The following ANKRD6 variants were observed in gnomAD, a reference collection of about 807,000 sequenced individuals.
The protein encoded by ANKRD6 is ankyrin repeat domain 6.
In ANKRD6, 56 loss-of-function variants were observed where a neutral mutation model predicts 82.3. The observed-to-expected ratio is 0.68, with a 90% CI of 0.55 to 0.85. The LOEUF (loss-of-function observed/expected upper bound fraction) is 0.85, where lower values mean the gene tolerates loss of function less well. ANKRD6 is among the 40% of genes least tolerant of loss of function. The pLI is 0.00. For synonymous variants in ANKRD6, 347 were observed against 352.1 expected (o/e 0.99, Z 0.16); for missense variants, 852 against 907.6 (o/e 0.94, Z 0.79).
chr6:89,532,114 G>T (rs1305111607), intron 1 of ANKRD6, among the ~76,000 whole-genome samples: 2 of 152,154 alleles, frequency 1.3e-5, no homozygotes, highest in African/African-American at 4.8e-5. Context: ...TAACTGAATG[G>T]ATGAGGCCCA....
chr6:89,624,187 C>A, intron 12 of ANKRD6, 130 bp downstream of exon 12: 1 of 1,088,440 alleles, frequency 9.2e-7, no homozygotes. Context: ...GAAGGTAAGC[C>A]AGATGGCCTC....
chr6:89,473,257 A>G lies in ANKRD6; in HGVS notation c.-144+39882A>G, dbSNP rs548854052. 5.9e-4 allele frequency among the ~76,000 whole-genome samples: 90 copies of G among 152,070 alleles called. 1 individual carries two copies. The highest frequency in any genetic ancestry group is 1.1e-3 in the Non-Finnish European group (77 of 68,008). On this transcript the variant is annotated intron_variant, in intron 1 of 15. Coordinates refer to ENST00000339746, the MANE Select transcript of ANKRD6 (RefSeq NM_001242809.2). ...GAGACCCTGTCTCTACTAAAAATAC[A>G]AAAATTAGCCAGGCATGGCGGCGTA...
Position 89,624,820 on chromosome 6 carries a change from C to T in ANKRD6, c.1371+129C>T, listed in dbSNP as rs1290576686. ...AGTGGGCTGTCAGGGAAGAGGCCTG[C>T]TTCTGCTTATGTGATTTTGTTAAAG... On this transcript the variant is annotated intron_variant, in intron 13 of 15. Coordinates refer to ENST00000339746, the MANE Select transcript of ANKRD6 (RefSeq NM_001242809.2). 11 of 970,004 alleles carry T rather than the reference C, an allele frequency of 1.1e-5. No homozygotes were observed. The East Asian group carries it at 2.9e-4, about 26-fold the overall frequency. The allele number at this position is 970,004 out of a possible 1,614,324, so 60.1% of individuals were successfully genotyped here. A position where few individuals can be genotyped will look rare whatever the true frequency, so the allele number is the denominator to read the frequency against.
At position 89,560,016 on chromosome 6, in the gene ANKRD6, C is replaced by T. The variant is rs144443965; in HGVS notation, c.-143-6818C>T. Among the ~76,000 whole-genome samples the T allele has an allele frequency of 4.1e-3, 629 of 152,202 alleles. 4 individuals carry two copies. Among genetic ancestry groups the T allele is most frequent in the African/African-American group, 0.013 (558 of 41,524 alleles). ...TCATTCATTAAATGGACATTAAAGG[C>T]CATCTGTGTTCCCGGCACCATGATA... On this transcript the variant is annotated intron_variant, in intron 1 of 15. Coordinates refer to ENST00000339746, the MANE Select transcript of ANKRD6 (RefSeq NM_001242809.2).
chr6:89,551,113 T>C (rs1214415638), intron 1 of ANKRD6, among the ~76,000 whole-genome samples: 2 of 152,186 alleles, frequency 1.3e-5, no homozygotes, highest in Non-Finnish European at 2.9e-5. Context: ...CTTTGTTAAT[T>C]CAGCAAATAT....
intron 2 of ANKRD6, among the ~76,000 whole-genome samples, chr6:89,584,256 C>T (rs1305611672): frequency 6.6e-6 from 1 of 152,200 alleles, no homozygotes; most frequent in Non-Finnish European, 1.5e-5. Context: ...TGATTCTCCA[C>T]ATCCCCACCC....
chr6:89,489,129 C>T (rs968613251), intron 1 of ANKRD6, among the ~76,000 whole-genome samples: 1 of 152,098 alleles, frequency 6.6e-6, no homozygotes, highest in African/African-American at 2.4e-5. Flanking sequence ...GGCATTGCTC[C>T]TGAAGGGGTC....
intron 2 of ANKRD6, among the ~76,000 whole-genome samples, chr6:89,577,139 C>G (rs1164682192): frequency 1.3e-5 from 2 of 151,810 alleles, no homozygotes; most frequent in Admixed American, 6.6e-5. Flanking sequence ...GAGGCCTGGT[C>G]CTCTTCCCAA....
At chr6:89,549,385 T>A (rs9451242) in intron 1 of ANKRD6, among the ~76,000 whole-genome samples, 35,164 of 110,682 alleles carry the variant, frequency 0.32, 4,562 homozygotes, top group South Asian at 0.52. Context: ...CCACCCCCAA[T>A]CCCCCACCAC....
At chr6:89,546,625 GGTTAA>G (rs1168255382) in intron 1 of ANKRD6, among the ~76,000 whole-genome samples, 8 of 151,666 alleles carry the variant, frequency 5.3e-5, no homozygotes, top group African/African-American at 2.0e-4. Context: ...CACCATGCCT[GGTTAA>G]TTTTGTATTT....
chr6:89,476,325 A>G (rs559189237), intron 1 of ANKRD6, among the ~76,000 whole-genome samples: 5 of 152,112 alleles, frequency 3.3e-5, no homozygotes, highest in Admixed American at 6.5e-5. Flanking sequence ...AGCTGGGATT[A>G]TAGGCGTGCA....
intron 2 of ANKRD6, among the ~76,000 whole-genome samples, chr6:89,579,552 C>T (rs1263774663): frequency 6.6e-6 from 1 of 152,026 alleles, no homozygotes; most frequent in Non-Finnish European, 1.5e-5. Flanking sequence ...TGGTGGATCT[C>T]TTGAGGCCAG....
At chr6:89,608,299 G>A (rs531319007) in intron 5 of ANKRD6, among the ~76,000 whole-genome samples, 1 of 151,100 alleles carries the variant, frequency 6.6e-6, no homozygotes, top group African/African-American at 2.4e-5. Flanking sequence ...GCTAGAATGG[G>A]GTTCTAGGTG....
chr6:89,622,099 G>T, intron 10 of ANKRD6, 73 bp downstream of exon 10: 1 of 1,432,738 alleles, frequency 7.0e-7, no homozygotes, highest in Non-Finnish European at 9.6e-7. Flanking sequence ...CCCTGCTTCG[G>T]CCAGGTTCAC....
intron 1 of ANKRD6, among the ~76,000 whole-genome samples, chr6:89,436,862 C>T (rs946474990): frequency 5.9e-5 from 9 of 152,200 alleles, no homozygotes; most frequent in Non-Finnish European, 1.3e-4. Flanking sequence ...TTTCCCAGCT[C>T]TTCCTCATCC....
At chr6:89,468,100 A>T (rs1775049733) in intron 1 of ANKRD6, among the ~76,000 whole-genome samples, 1 of 152,164 alleles carries the variant, frequency 6.6e-6, no homozygotes, top group Admixed American at 6.5e-5. Context: ...GACCCACACC[A>T]AGCATGTATG....
intron 1 of ANKRD6, among the ~76,000 whole-genome samples, chr6:89,442,284 C>T (rs1222923991): frequency 6.6e-6 from 1 of 152,140 alleles, no homozygotes; most frequent in African/African-American, 2.4e-5. Context: ...GCCTGAGCCA[C>T]TGCGCCTGGC....
intron 3 of ANKRD6, among the ~76,000 whole-genome samples, chr6:89,599,650 T>C (rs555313777): frequency 1.2e-5 from 1 of 80,666 alleles, no homozygotes; most frequent in African/African-American, 3.0e-5. Context: ...CTCAAGGTAC[T>C]AAATTGTTTG....
chr6:89,481,580 A>C lies in ANKRD6; in HGVS notation c.-144+48205A>C, dbSNP rs116697291. On this transcript the variant is annotated intron_variant, in intron 1 of 15. Transcript: ENST00000339746. ...CAAAATTTTATGTGTAACACATGTC[A>C]TGTGCATTTCCTCTGTTGACTTTAG... Among the ~76,000 whole-genome samples, 764 of 152,350 alleles carry C rather than the reference A, an allele frequency of 5.0e-3. 2 individuals are homozygous for C. The highest frequency in any genetic ancestry group is 0.018 in the African/African-American group (735 of 41,572).
Sources: allele counts gnomAD v4.1 joint callset (sites outside exome capture counted in the v4.1 genomes callset), GRCh38; gene constraint gnomAD v4.1.1; transcripts MANE v1.5; gene names NCBI Gene and HGNC (gene_info 2026-07-23, HGNC 2026-07-21).